The following MAPK8IP3 variants were observed in gnomAD, a reference collection of about 807,000 sequenced individuals.
The protein encoded by MAPK8IP3 is C-Jun-amino-terminal kinase-interacting protein 3.
A neutral mutation model predicts 157.8 loss-of-function variants in MAPK8IP3; 49 were observed. The ratio of observed to expected loss-of-function variants is 0.31; its 90% CI spans 0.25 to 0.39. The LOEUF (loss-of-function observed/expected upper bound fraction) is 0.39, where lower values mean the gene tolerates loss of function less well. MAPK8IP3 is among the 10% of genes least tolerant of loss of function. The pLI is 1.00. For synonymous variants in MAPK8IP3, 897 were observed against 777.7 expected, an observed-to-expected ratio of 1.15 and a Z score of -2.55; for missense variants, 1,478 against 1,889.4, an observed-to-expected ratio of 0.78 and a Z score of 4.04.
chr16:1,726,675 CAAAAA>C (rs550701458), intron 2 of MAPK8IP3, among the ~76,000 whole-genome samples: 4 of 151,806 alleles, frequency 2.6e-5, no homozygotes, highest in Admixed American at 2.6e-4. Context: ...GACCCTGTCT[CAAAAA>C]AAATCAAATT....
At chr16:1,750,155 C>T (rs1175787136) in intron 8 of MAPK8IP3, among the ~76,000 whole-genome samples, 1 of 152,158 alleles carries the variant, frequency 6.6e-6, no homozygotes, top group Non-Finnish European at 1.5e-5. Context: ...TAGGGGTAAT[C>T]TCTTTTAATA....
At chr16:1,765,885 CCT>C (rs1368827626) in intron 20 of MAPK8IP3, 73 bp from the exon 21 acceptor site, 5 of 1,378,708 alleles carry the variant, frequency 3.6e-6, no homozygotes, top group Non-Finnish European at 5.0e-6. Flanking sequence ...TTCCTCTGCC[CCT>C]GTGTAAGTGC....
rs1272871522 is a variant in MAPK8IP3, at chr16:1,742,459, G to A, written c.603-873G>A. Among the ~76,000 whole-genome samples the A allele has an allele frequency of 6.6e-6, 1 of 152,198 alleles. No homozygotes were observed. Among genetic ancestry groups the A allele is most frequent in the African/African-American group, 2.4e-5 (1 of 41,450 alleles). On this transcript the variant is annotated intron_variant, in intron 4 of 31. Transcript: ENST00000610761. The surrounding 1 kb of genome is among the most constrained non-coding windows in gnomAD (Gnocchi z 5.0). ...CTCCCTGACAGCAGAGAGGACACGT[G>A]GGGAGGGAGAAGACGCCCCTCAGGC...
chr16:1,724,219 C>T lies in MAPK8IP3; in HGVS notation c.319-338C>T, dbSNP rs1459525660. 2.0e-5 allele frequency among the ~76,000 whole-genome samples: 3 copies of T among 152,230 alleles called. No individual in the cohort carries two copies. Among genetic ancestry groups the T allele is most frequent in the Non-Finnish European group, 4.4e-5 (3 of 68,034 alleles). On this transcript the variant is annotated intron_variant, in intron 1 of 31. Transcript: ENST00000610761. This position sits in a 1 kb window ranked among gnomAD's most constrained non-coding sequence, Gnocchi z 4.1. ...GCATTGGGCCTTCTGAGTGCAGGGC[C>T]CCGCATTGCTGCCCGGGTCTCATGC...
chr16:1,746,805 G>A (rs371820671), intron 5 of MAPK8IP3: 11 of 579,894 alleles, frequency 1.9e-5, no homozygotes, highest in Middle Eastern at 4.6e-4. Context: ...GGGTGGCCCT[G>A]CTTCCGAGGA....
At chr16:1,723,478 G>A (rs552882919) in intron 1 of MAPK8IP3, among the ~76,000 whole-genome samples, 1 of 152,194 alleles carries the variant, frequency 6.6e-6, no homozygotes, top group Non-Finnish European at 1.5e-5. Flanking sequence ...AAATTAGCCA[G>A]GCATGGTGAC....
chr16:1,763,861 G>A (rs1176585864), intron 17 of MAPK8IP3, 78 bp downstream of exon 17: 1 of 1,037,732 alleles, frequency 9.6e-7, no homozygotes, highest in Non-Finnish European at 1.3e-6. Context: ...GCTGTGGGGC[G>A]GGGAGAGGGC....
At chr16:1,766,477 G>A in intron 22 of MAPK8IP3, 52 bp from the exon 23 acceptor site, 3 of 1,602,690 alleles carry the variant, frequency 1.9e-6, no homozygotes, top group Admixed American at 1.7e-5. Flanking sequence ...TCGGGGTCTT[G>A]GGGCAGGTGC....
At chr16:1,752,060 C>T (rs2041320774) in intron 8 of MAPK8IP3, 1 of 152,526 alleles carries the variant, frequency 6.6e-6, no homozygotes, top group African/African-American at 2.4e-5. Flanking sequence ...TCCTCACCAA[C>T]CAGGGACTCT....
chr16:1,764,054 T>A, intron 17 of MAPK8IP3, 61 bp from the exon 18 acceptor site: 23 of 1,483,276 alleles, frequency 1.6e-5, no homozygotes, highest in Non-Finnish European at 2.1e-5. Flanking sequence ...CTGTCTCAGA[T>A]TTCTGGAGGG....
intron 1 of MAPK8IP3, among the ~76,000 whole-genome samples, chr16:1,718,188 A>G (rs1252997866): frequency 7.2e-6 from 1 of 139,502 alleles, no homozygotes; most frequent in Non-Finnish European, 1.6e-5. Flanking sequence ...GAAGTAAATG[A>G]TTTTTTTTTT....
intron 1 of MAPK8IP3, chr16:1,707,397 T>C (rs2142253091): frequency 6.6e-6 from 1 of 152,404 alleles, no homozygotes; most frequent in Non-Finnish European, 1.5e-5. Context: ...TTGGCGAGAT[T>C]GTTAGCTGAT....
chr16:1,747,304 TC>T lies in MAPK8IP3; in HGVS notation c.994+32del, dbSNP rs1164466594. On this transcript the variant is annotated intron_variant, in intron 6 of 31. Coordinates refer to ENST00000610761, the MANE Select transcript of MAPK8IP3 (RefSeq NM_001318852.2). ...GGTGCCCACCTCCGGGACTCTGGGC[TC>T]CCTCGGGCAGGAGGCAGGGCTTGGT... The T allele has an allele frequency of 2.5e-6, 4 of 1,604,862 alleles. No individual in the cohort carries two copies. In the Admixed American group the frequency reaches 5.0e-5, roughly 20 times the overall value.
chr16:1,756,412 G>A (rs1331777658), intron 8 of MAPK8IP3, among the ~76,000 whole-genome samples: 2 of 152,076 alleles, frequency 1.3e-5, no homozygotes, highest in Non-Finnish European at 2.9e-5. Flanking sequence ...AGGCTGATGG[G>A]GAGGATTGCT....
chr16:1,709,152 T>C (rs1403319071), intron 1 of MAPK8IP3, among the ~76,000 whole-genome samples: 2 of 152,202 alleles, frequency 1.3e-5, no homozygotes, highest in African/African-American at 4.8e-5. Flanking sequence ...CAGGGTTTTA[T>C]AAAAACCTGA....
chr16:1,743,786 T>C lies in MAPK8IP3; in HGVS notation c.747+310T>C. On this transcript the variant is annotated intron_variant, in intron 5 of 31. Transcript: ENST00000610761. The surrounding 1 kb of genome is among the most constrained non-coding windows in gnomAD (Gnocchi z 5.6). Reference sequence around the variant, plus strand: ...GTACAGTGCCTGTCAGGGTTGAGCTTAGTGATCCTCTCTCAAACCACACCC... The same window carrying C: ...GTACAGTGCCTGTCAGGGTTGAGCTCAGTGATCCTCTCTCAAACCACACCC... 7.9e-7 allele frequency: 1 copy of C among 1,267,092 alleles called. No homozygotes were observed. Among genetic ancestry groups the C allele is most frequent in the Non-Finnish European group, 9.9e-7 (1 of 1,006,160 alleles). The allele number at this position is 1,267,092 out of a possible 1,614,324, so 78.5% of individuals were successfully genotyped here. A position where few individuals can be genotyped will look rare whatever the true frequency, so the allele number is the denominator to read the frequency against.
intron 8 of MAPK8IP3, among the ~76,000 whole-genome samples, chr16:1,753,272 T>G (rs1048061122): frequency 6.6e-6 from 1 of 152,092 alleles, no homozygotes; most frequent in African/African-American, 2.4e-5. Flanking sequence ...ATTTTAAGAC[T>G]TTTTTGTTTG....
In MAPK8IP3 at chr16:1,724,888, G is replaced by GC. The variant is rs888913039; in HGVS notation, c.439+215dup. Among the ~76,000 whole-genome samples the GC allele has an allele frequency of 4.6e-5, 7 of 152,230 alleles. No individual in the cohort carries two copies. Among genetic ancestry groups the GC allele is most frequent in the African/African-American group, 1.4e-4 (6 of 41,474 alleles). ...GAAATAAGTAAATCAGGCCACTGTG[G>GC]CCCCATAGCACTTTTGCTTCAGAGT... On this transcript the variant is annotated intron_variant, in intron 2 of 31. Coordinates refer to ENST00000610761, the MANE Select transcript of MAPK8IP3 (RefSeq NM_001318852.2). The surrounding 1 kb of genome is among the most constrained non-coding windows in gnomAD (Gnocchi z 4.1).
rs201718613 is a variant in MAPK8IP3 at position 1,739,005 on chromosome 16, ACCAT to A, written c.603-4322_603-4319del. Among the ~76,000 whole-genome samples the A allele has an allele frequency of 2.0e-3, 222 of 110,676 alleles. 3 individuals are homozygous for A. The highest frequency in any genetic ancestry group is 6.7e-3 in the African/African-American group (186 of 27,556). The allele number at this position is 110,676 out of a possible 152,430, so 72.6% of individuals were successfully genotyped here. ...GAGCATGTGAGCATCCGTGTGTGTG[ACCAT>A]CCATGTGAGCATCTGTGTGAGCGTC... On this transcript the variant is annotated intron_variant, in intron 4 of 31. Transcript: ENST00000610761.
Sources: allele counts gnomAD v4.1 joint callset (sites outside exome capture counted in the v4.1 genomes callset), GRCh38; gene constraint gnomAD v4.1.1; non-coding constraint Gnocchi (gnomAD v3.1); transcripts MANE v1.5; gene names NCBI Gene and HGNC (gene_info 2026-07-23, HGNC 2026-07-21).